Variants in MAMDC2 observed in about 807,000 individuals in gnomAD.
MAMDC2 encodes MAM domain containing 2.
Under a neutral mutation model 89.8 loss-of-function variants are expected in MAMDC2, and 57 were observed. The ratio of observed to expected loss-of-function variants is 0.63; its 90% CI spans 0.51 to 0.79. The LOEUF is 0.79. MAMDC2 is among the 30% of genes least tolerant of loss of function. The pLI is 0.00. For missense variants in MAMDC2, 800 were observed against 820.6 expected, an observed-to-expected ratio of 0.97 and a Z score of 0.31; for synonymous variants, 313 against 293.4, an observed-to-expected ratio of 1.07 and a Z score of -0.68.
Position 70,202,497 on chromosome 9 carries a change from G to C in MAMDC2, c.1652-15840G>C, listed in dbSNP as rs764864434. On this transcript the variant is annotated intron_variant, in intron 11 of 13. Coordinates refer to ENST00000377182, the MANE Select transcript of MAMDC2 (RefSeq NM_153267.5). The stretch of plus-strand genomic sequence containing the variant: ...AAGTATGTGGTCAATTTTGGAATAG[G>C]TGTGGTGTGGTGCTGAAAAAAAATG... Among the ~76,000 whole-genome samples the C allele has an allele frequency of 6.2e-3, 940 of 151,372 alleles. 6 individuals carry two copies. Among genetic ancestry groups the C allele is most frequent in the Non-Finnish European group, 9.9e-3 (670 of 67,706 alleles).
At chr9:70,104,847 G>A (rs1247152421) in intron 2 of MAMDC2, among the ~76,000 whole-genome samples, 1 of 152,124 alleles carries the variant, frequency 6.6e-6, no homozygotes, top group Non-Finnish European at 1.5e-5. Context: ...TGGTGAAAAT[G>A]TTCTGGAATT....
intron 2 of MAMDC2, among the ~76,000 whole-genome samples, chr9:70,090,397 T>C (rs1280882481): frequency 4.0e-5 from 6 of 151,418 alleles, no homozygotes; most frequent in African/African-American, 1.5e-4. Flanking sequence ...GGTGGGAGGA[T>C]TGCTTGAACC....
intron 9 of MAMDC2, among the ~76,000 whole-genome samples, chr9:70,146,481 C>T (rs528980236): frequency 3.9e-5 from 6 of 152,282 alleles, no homozygotes; most frequent in Admixed American, 1.3e-4. Flanking sequence ...AACCATTTGA[C>T]ATCCATCATA....
intron 4 of MAMDC2, among the ~76,000 whole-genome samples, chr9:70,112,763 C>T (rs1828542946): frequency 6.6e-6 from 1 of 152,058 alleles, no homozygotes; most frequent in South Asian, 2.1e-4. Context: ...AGTGACATGG[C>T]TAATAAGTGG....
At chr9:70,073,850 A>G (rs1339010127) in intron 2 of MAMDC2, among the ~76,000 whole-genome samples, 3 of 152,178 alleles carry the variant, frequency 2.0e-5, no homozygotes, top group African/African-American at 7.2e-5. Context: ...TACATCTTAC[A>G]TTGGTCTTAA....
intron 5 of MAMDC2, chr9:70,113,892 T>A (rs10735583): frequency 0.65 from 97,975 of 151,424 alleles, 32,130 homozygotes; most frequent in Admixed American, 0.7. Context: ...GGAATTTTTA[T>A]TCTGTTGCAA....
At chr9:70,095,379 A>G (rs1828003688) in intron 2 of MAMDC2, among the ~76,000 whole-genome samples, 1 of 152,250 alleles carries the variant, frequency 6.6e-6, no homozygotes, top group South Asian at 2.1e-4. Flanking sequence ...GGAATAATCC[A>G]GACAAAAGAT....
intron 4 of MAMDC2, among the ~76,000 whole-genome samples, chr9:70,112,048 G>A (rs2118274126): frequency 6.6e-6 from 1 of 152,266 alleles, no homozygotes; most frequent in South Asian, 2.1e-4. Context: ...CCCTCCATTG[G>A]TCGAATCCAA....
chr9:70,140,623 T>A (rs2118405370), intron 8 of MAMDC2, among the ~76,000 whole-genome samples: 1 of 152,220 alleles, frequency 6.6e-6, no homozygotes, highest in African/African-American at 2.4e-5. Flanking sequence ...AAAAAGCAGA[T>A]TTCAGTGGTT....
At position 70,164,857 on chromosome 9, in the gene MAMDC2, C is replaced by T. The variant is rs1354080068; in HGVS notation, c.1405-3845C>T. The stretch of plus-strand genomic sequence containing the variant: ...ACCTCTCTATGCTGCCCAGGTTGAT[C>T]TTCAACTCCTGGCCTCAAGTGATCC... On this transcript the variant is annotated intron_variant, in intron 9 of 13. Transcript: ENST00000377182. 5.9e-5 allele frequency among the ~76,000 whole-genome samples: 9 copies of T among 151,776 alleles called. No individual in the cohort carries two copies. The South Asian group carries it at 1.9e-3, about 32-fold the overall frequency.
chr9:70,214,730 TAAG>T (rs1461897867), intron 11 of MAMDC2, among the ~76,000 whole-genome samples: 4 of 152,166 alleles, frequency 2.6e-5, no homozygotes, highest in African/African-American at 9.6e-5. Flanking sequence ...GTGGAGGCGG[TAAG>T]AAGAGAAGTG....
intron 2 of MAMDC2, among the ~76,000 whole-genome samples, chr9:70,070,552 G>T (rs1827378925): frequency 6.6e-6 from 1 of 152,162 alleles, no homozygotes; most frequent in Non-Finnish European, 1.5e-5. Flanking sequence ...CATTGAATAT[G>T]CATGGCTAAG....
chr9:70,098,025 C>T (rs981293110), intron 2 of MAMDC2, among the ~76,000 whole-genome samples: 5 of 152,076 alleles, frequency 3.3e-5, no homozygotes, highest in East Asian at 3.9e-4. Context: ...TTTGGAAGCC[C>T]GATGGACTTG....
At position 70,044,599 on chromosome 9, in the gene MAMDC2, G is replaced by T. The variant is rs1826696262; in HGVS notation, c.50G>T (p.Gly17Val). 1.9e-6 allele frequency: 3 copies of T among 1,550,270 alleles called. No individual in the cohort carries two copies. The highest frequency in any genetic ancestry group is 2.0e-5 in the Admixed American group (1 of 50,966). The change falls in exon 2 of 14, where the codon GGT becomes GTT. Residue 17 changes from glycine (G) to valine (V), a missense_variant. Physicochemically the swap from Gly to Val is moderately radical, Grantham distance 109. Coordinates refer to ENST00000377182, the MANE Select transcript of MAMDC2 (RefSeq NM_153267.5). The part of the protein sequence containing the change: ...LLALQALQLA[G>V]ALDLPAGSCA... The stretch of plus-strand genomic sequence containing the variant: ...GTGCCCGCAGCCCTGCAGCTCGCCG[G>T]TGCCCTCGACCTGCCCGCTGGGTCC...
intron 2 of MAMDC2, among the ~76,000 whole-genome samples, chr9:70,058,121 A>T (rs1339255436): frequency 1.3e-5 from 2 of 152,214 alleles, no homozygotes. Flanking sequence ...TAGGAATATG[A>T]ATAATGACAA....
At chr9:70,115,240 C>T (rs2029916523) in intron 5 of MAMDC2, among the ~76,000 whole-genome samples, 2 of 151,912 alleles carry the variant, frequency 1.3e-5, no homozygotes, top group African/African-American at 2.4e-5. Flanking sequence ...AAGAATCCCC[C>T]AGAAACTGTT....
intron 2 of MAMDC2, among the ~76,000 whole-genome samples, chr9:70,068,167 C>G (rs1386730252): frequency 6.6e-6 from 1 of 152,154 alleles, no homozygotes; most frequent in African/African-American, 2.4e-5. Flanking sequence ...GTATGAGAGA[C>G]TATAAAAATA....
At chr9:70,052,372 C>T (rs1038141061) in intron 2 of MAMDC2, among the ~76,000 whole-genome samples, 4 of 152,218 alleles carry the variant, frequency 2.6e-5, no homozygotes, top group Admixed American at 6.5e-5. Flanking sequence ...CCTTTACTTA[C>T]TTGCTTCTTG....
intron 7 of MAMDC2, among the ~76,000 whole-genome samples, chr9:70,132,725 T>C (rs1403571873): frequency 6.6e-6 from 1 of 152,072 alleles, no homozygotes; most frequent in Non-Finnish European, 1.5e-5. Context: ...GGTCTCACTA[T>C]GTTGTCCAGG....
Sources: gnomAD v4.1 joint callset for allele counts (sites outside exome capture counted in the v4.1 genomes callset) on GRCh38, gnomAD v4.1.1 for gene constraint, MANE v1.5 for transcripts, NCBI Gene and HGNC (gene_info 2026-07-23, HGNC 2026-07-21) for gene names.